The following SETBP1 variants were observed in gnomAD, a reference collection of about 807,000 sequenced individuals.
SETBP1 encodes SET binding protein 1.
Under a neutral mutation model 101.0 loss-of-function variants are expected in SETBP1, and 9 were observed. The observed-to-expected ratio is 0.09, with a 90% CI of 0.05 to 0.16. SETBP1 has a LOEUF of 0.16. Ranked by LOEUF, SETBP1 falls within the 10% of genes least tolerant of loss-of-function variation. SETBP1 has a pLI of 1.00. For missense variants in SETBP1, 1,858 were observed against 2,033.8 expected (o/e 0.91, Z 1.66); for synonymous variants, 818 against 788.5 (o/e 1.04, Z -0.63).
In SETBP1 at chr18:44,950,852, G is replaced by A. The variant is rs1387689736; in HGVS notation, c.1512G>A (p.Met504Ile). The change falls in exon 4 of 6, where the codon ATG becomes ATA. Residue 504 changes from methionine (M) to isoleucine (I), a missense_variant. This residue lies in a region of SETBP1 where 581 missense variants were observed against 535.1 expected (regional missense o/e 1.09). Coordinates refer to ENST00000649279, the MANE Select transcript of SETBP1 (RefSeq NM_015559.3). ...VSKPRKPPMVMTPPTCTDHSP... is the reference protein window; with the variant it reads ...VSKPRKPPMVITPPTCTDHSP... ...AGCCGCGGAAGCCACCCATGGTCAT[G>A]ACACCTCCAACGTGCACAGATCACT... is the stretch of plus-strand genomic sequence containing the variant. 1 of 1,614,152 alleles carries A rather than the reference G, an allele frequency of 6.2e-7. No individual in the cohort carries two copies. The highest frequency in any genetic ancestry group is 2.2e-5 in the East Asian group (1 of 44,880).
chr18:44,796,808 G>A (rs2071486523), intron 2 of SETBP1, among the ~76,000 whole-genome samples: 1 of 152,060 alleles, frequency 6.6e-6, no homozygotes, highest in Non-Finnish European at 1.5e-5. Context: ...ATGCAAGCCT[G>A]CTACACACAC....
intron 2 of SETBP1, among the ~76,000 whole-genome samples, chr18:44,829,778 G>A (rs1325640098): frequency 6.6e-6 from 1 of 152,214 alleles, no homozygotes; most frequent in African/African-American, 2.4e-5. Flanking sequence ...ATGTGGCACA[G>A]TCCCACTTAT....
At chr18:45,014,994 TG>T (rs2072912567) in intron 4 of SETBP1, among the ~76,000 whole-genome samples, 2 of 152,142 alleles carry the variant, frequency 1.3e-5, no homozygotes, top group Admixed American at 1.3e-4. Context: ...AAACAGCCAG[TG>T]GGGTGCCTGC....
At chr18:44,856,056 T>G (rs976380450) in intron 2 of SETBP1, among the ~76,000 whole-genome samples, 4 of 100,056 alleles carry the variant, frequency 4.0e-5, no homozygotes, top group South Asian at 6.4e-4. Context: ...ATCCATCTTG[T>G]TTTTTTTTTT....
In SETBP1 at chr18:44,951,139, C is replaced by G. The variant is rs1201997891; in HGVS notation, c.1799C>G (p.Thr600Arg). Reference sequence around the variant, plus strand: ...AAGCAGCCTTTGCTCACAGTCGAGACGATTCATGAGGGAACTTCCACCAGC... The same window carrying G: ...AAGCAGCCTTTGCTCACAGTCGAGAGGATTCATGAGGGAACTTCCACCAGC... ...PKKQPLLTVE[T>R]IHEGTSTSPV... Residue 600 changes from threonine to arginine, a missense_variant, in exon 4 of 6, where the codon ACG (threonine) becomes AGG (arginine). Physicochemically the swap from Thr to Arg is moderately conservative, Grantham distance 71. This residue lies in a region of SETBP1 where 24 missense variants were observed against 68.4 expected (regional missense o/e 0.35). Transcript: ENST00000649279. This position sits in a 1 kb window ranked among gnomAD's most constrained non-coding sequence, Gnocchi z 7.8. 6.2e-7 allele frequency: 1 copy of G among 1,614,038 alleles called. No individual in the cohort carries two copies.
At chr18:45,000,761 GA>G (rs2072599557) in intron 4 of SETBP1, among the ~76,000 whole-genome samples, 1 of 148,980 alleles carries the variant, frequency 6.7e-6, no homozygotes, top group African/African-American at 2.5e-5. Flanking sequence ...AAATCTGTGT[GA>G]CTAGAGCCAT....
In SETBP1 at chr18:45,063,007, T is replaced by C. The variant is rs550870266; in HGVS notation, c.4172-72T>C. The C allele has an allele frequency of 7.5e-6, 12 of 1,603,860 alleles. No homozygotes were observed. In the Middle Eastern group the frequency reaches 5.8e-4, roughly 77 times the overall value. On this transcript the variant is annotated intron_variant, in intron 5 of 5. Coordinates refer to ENST00000649279, the MANE Select transcript of SETBP1 (RefSeq NM_015559.3). The stretch of plus-strand genomic sequence containing the variant: ...CTTTATAGCCAAGTAGAATGCTAGC[T>C]GTCAGTGAAGAGGCTGAGTTGAAGG...
chr18:44,896,739 T>A (rs946650781), intron 3 of SETBP1, among the ~76,000 whole-genome samples: 9 of 152,182 alleles, frequency 5.9e-5, no homozygotes, highest in African/African-American at 2.2e-4. Flanking sequence ...ATTACAGGTG[T>A]GAGCCACCAC....
At chr18:44,766,569 G>C (rs537244425) in intron 2 of SETBP1, among the ~76,000 whole-genome samples, 1 of 152,166 alleles carries the variant, frequency 6.6e-6, no homozygotes, top group Non-Finnish European at 1.5e-5. Flanking sequence ...TTCTTTTAAC[G>C]TATATAGACT....
At chr18:45,062,513 T>C (rs1422054186) in intron 5 of SETBP1, among the ~76,000 whole-genome samples, 1 of 152,210 alleles carries the variant, frequency 6.6e-6, no homozygotes, top group Non-Finnish European at 1.5e-5. Flanking sequence ...AGGAATAAAA[T>C]GGTTCAGTTA....
intron 2 of SETBP1, among the ~76,000 whole-genome samples, chr18:44,839,144 A>G (rs2144512640): frequency 1.3e-5 from 2 of 152,130 alleles, no homozygotes; most frequent in Middle Eastern, 6.8e-3. Flanking sequence ...TAGACAGATG[A>G]GAGACCTGGG....
intron 2 of SETBP1, among the ~76,000 whole-genome samples, chr18:44,866,305 C>G (rs1047719358): frequency 1.3e-5 from 2 of 152,210 alleles, no homozygotes; most frequent in Admixed American, 6.5e-5. Context: ...AGTGCTGTTT[C>G]CTTTTGTTGG....
Position 44,861,484 on chromosome 18 carries a change from G to A in SETBP1, c.487-7746G>A, listed in dbSNP as rs537893968. 1.3e-4 allele frequency among the ~76,000 whole-genome samples: 19 copies of A among 151,588 alleles called. No homozygotes were observed. The South Asian group carries it at 2.3e-3, about 18-fold the overall frequency. On this transcript the variant is annotated intron_variant, in intron 2 of 5. Coordinates refer to ENST00000649279, the MANE Select transcript of SETBP1 (RefSeq NM_015559.3). Reference sequence around the variant, plus strand: ...CCTGACCTCATGATCTGCCCGCCTCGGCCTCCCAAAGTGGATTTCTTATTC... The same window carrying A: ...CCTGACCTCATGATCTGCCCGCCTCAGCCTCCCAAAGTGGATTTCTTATTC...
At chr18:44,734,701 A>G (rs540479045) in intron 2 of SETBP1, among the ~76,000 whole-genome samples, 1 of 152,108 alleles carries the variant, frequency 6.6e-6, no homozygotes, top group South Asian at 2.1e-4. Context: ...TGCCTTCCTT[A>G]CCTCTAAACT....
chr18:45,046,541 T>A (rs962075544), intron 5 of SETBP1, among the ~76,000 whole-genome samples: 8 of 152,212 alleles, frequency 5.3e-5, no homozygotes, highest in Non-Finnish European at 1.2e-4. Context: ...ACTACCAAAG[T>A]GTGTATTTAT....
intron 2 of SETBP1, among the ~76,000 whole-genome samples, chr18:44,712,839 C>T (rs189957140): frequency 6.6e-6 from 1 of 151,766 alleles, no homozygotes; most frequent in Admixed American, 6.6e-5. Context: ...AGGCTGACAA[C>T]AGAAGCTCTG....
intron 5 of SETBP1, among the ~76,000 whole-genome samples, chr18:45,055,664 T>G (rs1308058174): frequency 1.3e-5 from 2 of 152,210 alleles, no homozygotes; most frequent in Non-Finnish European, 2.9e-5. Context: ...ACACGTAGAT[T>G]CAAAAGAATA....
At chr18:44,742,307 G>A (rs2070116837) in intron 2 of SETBP1, among the ~76,000 whole-genome samples, 1 of 152,170 alleles carries the variant, frequency 6.6e-6, no homozygotes, top group African/African-American at 2.4e-5. Context: ...GCCCTTATCA[G>A]TGCCATTAGC....
At chr18:44,773,943 G>T (rs2070937856) in intron 2 of SETBP1, among the ~76,000 whole-genome samples, 1 of 151,308 alleles carries the variant, frequency 6.6e-6, no homozygotes, top group Admixed American at 6.6e-5. Context: ...TAGCTCCTAG[G>T]TGACATGTTA....
Sources: gnomAD v4.1 joint callset for allele counts (sites outside exome capture counted in the v4.1 genomes callset) on GRCh38, gnomAD v4.1.1 for gene constraint, gnomAD v4.1.1 regional missense constraint, Gnocchi (gnomAD v3.1) non-coding constraint, MANE v1.5 for transcripts, NCBI Gene and HGNC (gene_info 2026-07-23, HGNC 2026-07-21) for gene names.